The following MLLT3 variants were observed in gnomAD, a reference collection of about 807,000 sequenced individuals.
MLLT3 encodes protein AF-9.
Under a neutral mutation model 53.2 loss-of-function variants are expected in MLLT3, and 4 were observed. The observed-to-expected ratio is 0.08, with a 90% CI of 0.04 to 0.17. The LOEUF (loss-of-function observed/expected upper bound fraction) is 0.17. Among genes scored for constraint, MLLT3 ranks in the 10% least tolerant of loss-of-function variants. The pLI, the probability that MLLT3 is intolerant of heterozygous loss-of-function variation, is 1.00. For missense variants in MLLT3, 569 were observed against 684.0 expected (o/e 0.83, Z 1.87); for synonymous variants, 283 against 230.6 (o/e 1.23, Z -2.06).
chr9:20,411,660 A>C (rs1822731352), intron 5 of MLLT3, among the ~76,000 whole-genome samples: 1 of 152,206 alleles, frequency 6.6e-6, no homozygotes, highest in Non-Finnish European at 1.5e-5. Flanking sequence ...AAAGTTTTCC[A>C]ATTCTAACTC....
intron 5 of MLLT3, among the ~76,000 whole-genome samples, chr9:20,380,807 T>C (rs973668905): frequency 6.6e-6 from 1 of 152,026 alleles, no homozygotes; most frequent in Non-Finnish European, 1.5e-5. Flanking sequence ...GTACATTCTC[T>C]TTTCTAGCTG....
At chr9:20,447,777 A>C (rs1823741127) in intron 4 of MLLT3, among the ~76,000 whole-genome samples, 1 of 152,134 alleles carries the variant, frequency 6.6e-6, no homozygotes, top group Admixed American at 6.6e-5. Context: ...CTTAACCCAA[A>C]AGTTTCTATA....
intron 4 of MLLT3, among the ~76,000 whole-genome samples, chr9:20,424,424 T>C (rs80207839): frequency 0.016 from 2,469 of 152,312 alleles, 66 homozygotes; most frequent in East Asian, 0.12. Flanking sequence ...ATACTTCTCA[T>C]CTCACATTAA....
chr9:20,525,421 G>A (rs868160520), intron 2 of MLLT3, among the ~76,000 whole-genome samples: 9 of 152,116 alleles, frequency 5.9e-5, no homozygotes, highest in Non-Finnish European at 7.4e-5. Flanking sequence ...GCTTGAACCC[G>A]GAAGGCGGAG....
At chr9:20,385,557 G>A (rs143081813) in intron 5 of MLLT3, among the ~76,000 whole-genome samples, 8 of 151,880 alleles carry the variant, frequency 5.3e-5, no homozygotes, top group Non-Finnish European at 8.8e-5. Flanking sequence ...TGGTTCAATC[G>A]AGAACATCCT....
intron 2 of MLLT3, among the ~76,000 whole-genome samples, chr9:20,483,885 G>A (rs1463152141): frequency 7.8e-6 from 1 of 128,980 alleles, no homozygotes; most frequent in African/African-American, 3.0e-5. Flanking sequence ...TTTTTTTTTT[G>A]TATTTTTAGT....
chr9:20,343,818 T>C lies in MLLT3; in HGVS notation c.*2625A>G, dbSNP rs1820800181. 1 of 211,242 alleles carries C rather than the reference T, an allele frequency of 4.7e-6. No homozygotes were observed. Among genetic ancestry groups the C allele is most frequent in the Admixed American group, 5.9e-5 (1 of 16,956 alleles). The allele number at this position is 211,242 out of a possible 1,614,324, so 13.1% of individuals were successfully genotyped here. On this transcript the variant is annotated 3_prime_UTR_variant, in exon 11 of 11. Coordinates refer to ENST00000380338, the MANE Select transcript of MLLT3 (RefSeq NM_004529.4). ...TTAGGGTACTCACATGTCAAAGATA[T>C]TCTTAATAGGCTTCAAAGTTGGGTG...
At chr9:20,497,302 T>TAA (rs1191372427) in intron 2 of MLLT3, among the ~76,000 whole-genome samples, 1 of 152,148 alleles carries the variant, frequency 6.6e-6, no homozygotes, top group Non-Finnish European at 1.5e-5. Flanking sequence ...CAATTGACAT[T>TAA]AAAAATCACA....
At chr9:20,530,649 T>C (rs568242271) in intron 2 of MLLT3, among the ~76,000 whole-genome samples, 1 of 152,352 alleles carries the variant, frequency 6.6e-6, no homozygotes, top group Admixed American at 6.5e-5. Context: ...CAGTAAACCA[T>C]GATTCCAAAA....
chr9:20,502,093 A>AGGG (rs66552889), intron 2 of MLLT3, among the ~76,000 whole-genome samples: 42 of 88,826 alleles, frequency 4.7e-4, no homozygotes, highest in African/African-American at 1.4e-3. Flanking sequence ...AAAAAAAAAA[A>AGGG]GGGGGGGGGG....
At position 20,573,183 on chromosome 9, in the gene MLLT3, G is replaced by GT. The variant is rs1475878858; in HGVS notation, c.193+47470dup. Among the ~76,000 whole-genome samples, 389 of 65,904 alleles carry GT rather than the reference G, an allele frequency of 5.9e-3. 1 individual carries two copies. The highest frequency in any genetic ancestry group is 0.016 in the African/African-American group (369 of 22,602). 43.2% of individuals were successfully genotyped at this position (65,904 alleles called of 152,430 possible). A position where few individuals can be genotyped will look rare whatever the true frequency, so the allele number is the denominator to read the frequency against. Reference sequence around the variant, plus strand: ...TTCCTGTTTTTGTTTGTTTTTTTTTGTTTTGTTTTTTTTTTTTGAGACAGT... The same window carrying GT: ...TTCCTGTTTTTGTTTGTTTTTTTTTGTTTTTGTTTTTTTTTTTTGAGACAGT... On this transcript the variant is annotated intron_variant, in intron 2 of 10. Coordinates refer to ENST00000380338, the MANE Select transcript of MLLT3 (RefSeq NM_004529.4).
Position 20,481,924 on chromosome 9 carries a change from G to A in MLLT3, c.194-25138C>T, listed in dbSNP as rs577057652. ...TGATTTTGGCTAAGACCACACTAGT[G>A]GTCAGCTGGGTAGTAACAAATACAG... On this transcript the variant is annotated intron_variant, in intron 2 of 10. Coordinates refer to ENST00000380338, the MANE Select transcript of MLLT3 (RefSeq NM_004529.4). Among the ~76,000 whole-genome samples, 24 of 152,274 alleles carry A rather than the reference G, an allele frequency of 1.6e-4. No homozygotes were observed. The East Asian group carries it at 4.4e-3, about 28-fold the overall frequency.
chr9:20,344,046 T>A lies in MLLT3; in HGVS notation c.*2397A>T, dbSNP rs1398605959. 3 of 201,506 alleles carry A rather than the reference T, an allele frequency of 1.5e-5. No individual in the cohort carries two copies. The highest frequency in any genetic ancestry group is 3.1e-5 in the Non-Finnish European group (3 of 98,116). 12.5% of individuals were successfully genotyped at this position (201,506 alleles called of 1,614,324 possible). ...TCTTGATGAGTAGAAGATGGATAAG[T>A]TTTTCTGAACTTTATCAATTTACAA... On this transcript the variant is annotated 3_prime_UTR_variant, in exon 11 of 11. Transcript: ENST00000380338.
intron 4 of MLLT3, among the ~76,000 whole-genome samples, chr9:20,416,993 C>A (rs915906960): frequency 5.3e-5 from 8 of 151,550 alleles, no homozygotes; most frequent in African/African-American, 1.5e-4. Context: ...GTCACTGACA[C>A]AGAATAAAAG....
chr9:20,398,874 T>C (rs892404766), intron 5 of MLLT3, among the ~76,000 whole-genome samples: 2 of 152,120 alleles, frequency 1.3e-5, no homozygotes. Context: ...TGTGGTTTAA[T>C]ACCCTTCACG....
In MLLT3 at chr9:20,346,459, G is replaced by C; in HGVS notation, c.1691C>G (p.Thr564Arg). The change falls in exon 11 of 11, where the codon ACA becomes AGA. Residue 564 changes from threonine (T) to arginine (R), a missense_variant. Transcript: ENST00000380338. ...GTTATATCCTCAGGATGTTCCAGAT[G>C]TTTCCAGGTAACTCTGTAGTTTACG... The part of the protein sequence containing the change: ...TVRKLQSYLE[T>R]SGTS The C allele has an allele frequency of 6.2e-7, 1 of 1,609,740 alleles. No individual in the cohort carries two copies. The highest frequency in any genetic ancestry group is 8.5e-7 in the Non-Finnish European group (1 of 1,177,954).
chr9:20,350,472 G>A (rs1820986910), intron 10 of MLLT3, among the ~76,000 whole-genome samples: 1 of 150,800 alleles, frequency 6.6e-6, no homozygotes, highest in Admixed American at 6.6e-5. Context: ...GCGGGCGCCT[G>A]TAGTCCCAGC....
At chr9:20,490,632 A>C (rs1343539283) in intron 2 of MLLT3, among the ~76,000 whole-genome samples, 4 of 152,254 alleles carry the variant, frequency 2.6e-5, no homozygotes. Flanking sequence ...CAGAGAAACA[A>C]GTTGGGGCAG....
Position 20,620,289 on chromosome 9 carries a change from A to G in MLLT3, c.193+365T>C, listed in dbSNP as rs879614206. On this transcript the variant is annotated intron_variant, in intron 2 of 10. Coordinates refer to ENST00000380338, the MANE Select transcript of MLLT3 (RefSeq NM_004529.4). This position sits in a 1 kb window ranked among gnomAD's most constrained non-coding sequence, Gnocchi z 6.1. ...CACACACACACACACACACACACAC[A>G]CACACGCGCAAAGTGTTTATTCCCT... is the stretch of plus-strand genomic sequence containing the variant. Among the ~76,000 whole-genome samples, 3,974 of 134,462 alleles carry G rather than the reference A, an allele frequency of 0.03. 71 individuals are homozygous for G. Among genetic ancestry groups the G allele is most frequent in the African/African-American group, 0.043 (1,450 of 33,862 alleles). The allele number at this position is 134,462 out of a possible 152,430, so 88.2% of individuals were successfully genotyped here. A position where few individuals can be genotyped will look rare whatever the true frequency, so the allele number is the denominator to read the frequency against.
Sources: gnomAD v4.1 joint callset for allele counts (sites outside exome capture counted in the v4.1 genomes callset) on GRCh38, gnomAD v4.1.1 for gene constraint, Gnocchi (gnomAD v3.1) non-coding constraint, MANE v1.5 for transcripts, NCBI Gene and HGNC (gene_info 2026-07-23, HGNC 2026-07-21) for gene names.